WWOX: variants seen among roughly 807,000 people sequenced by gnomAD.
WWOX encodes WW domain containing oxidoreductase.
A neutral mutation model predicts 46.2 loss-of-function variants in WWOX; 69 were observed. The observed-to-expected ratio is 1.49, with a 90% CI of 1.23 to 1.82. The LOEUF (loss-of-function observed/expected upper bound fraction) is 1.82. Ranked by LOEUF, WWOX falls within the 40% of genes most tolerant of loss-of-function variation. The probability of loss-of-function intolerance (pLI) is 0.00; values close to 1 mark genes in which losing one functional copy is unlikely to be tolerated. For missense variants in WWOX, 919 were observed against 542.6 expected (o/e 1.69, Z -6.89); for synonymous variants, 359 against 202.6 (o/e 1.77, Z -6.56).
rs75412842 is a variant in WWOX, at chr16:78,411,337, A to T, written c.606-13533A>T. 2.9e-4 allele frequency among the ~76,000 whole-genome samples: 44 copies of T among 152,152 alleles called. No individual in the cohort carries two copies. In the East Asian group the frequency reaches 8.3e-3, roughly 29 times the overall value. On this transcript the variant is annotated intron_variant, in intron 6 of 8. Coordinates refer to ENST00000566780, the MANE Select transcript of WWOX (RefSeq NM_016373.4). ...TGCCATTGTGTGTTTATATATTGCT[A>T]ATGGATTTTAAAGAGGGCTAATCAA...
chr16:78,578,471 A>T (rs1432561749), intron 8 of WWOX, among the ~76,000 whole-genome samples: 4 of 150,536 alleles, frequency 2.7e-5, no homozygotes, highest in Non-Finnish European at 5.9e-5. Flanking sequence ...ATGTATTTTT[A>T]ATAGAGACAG....
chr16:78,817,710 T>C (rs979082421), intron 8 of WWOX, among the ~76,000 whole-genome samples: 3 of 152,128 alleles, frequency 2.0e-5, no homozygotes, highest in African/African-American at 7.2e-5. Flanking sequence ...TCGCTTGGCT[T>C]CCTCCTAAAA....
intron 8 of WWOX, among the ~76,000 whole-genome samples, chr16:78,862,803 G>A (rs1166570663): frequency 2.0e-5 from 3 of 152,018 alleles, no homozygotes; most frequent in Admixed American, 1.3e-4. Flanking sequence ...CACTGGGAAG[G>A]GCAGTCTGCT....
chr16:78,756,857 A>C, intron 8 of WWOX: 1 of 700,150 alleles, frequency 1.4e-6, no homozygotes, highest in Non-Finnish European at 2.6e-6. Flanking sequence ...AGGGTATTGC[A>C]GACATCAGAG....
At chr16:78,632,589 C>T (rs892311859) in intron 8 of WWOX, among the ~76,000 whole-genome samples, 50 of 49,542 alleles carry the variant, frequency 1.0e-3, no homozygotes, top group African/African-American at 4.0e-3. Flanking sequence ...GGTGGAGTCT[C>T]GTTCTGTCTC....
At chr16:79,000,776 A>G (rs2047077284) in intron 8 of WWOX, among the ~76,000 whole-genome samples, 1 of 152,190 alleles carries the variant, frequency 6.6e-6, no homozygotes, top group African/African-American at 2.4e-5. Flanking sequence ...AAGGCACCCT[A>G]TAATATACCC....
intron 8 of WWOX, among the ~76,000 whole-genome samples, chr16:78,905,525 G>T (rs1288699513): frequency 1.3e-5 from 2 of 152,064 alleles, no homozygotes; most frequent in African/African-American, 4.8e-5. Context: ...GAGACCATAG[G>T]CATGTTCCAC....
chr16:78,233,681 T>C (rs1229654935), intron 5 of WWOX, among the ~76,000 whole-genome samples: 1 of 151,978 alleles, frequency 6.6e-6, no homozygotes, highest in Non-Finnish European at 1.5e-5. Flanking sequence ...CGCCTGCCAC[T>C]ACACCTGGCT....
chr16:78,997,260 C>T (rs934324253), intron 8 of WWOX, among the ~76,000 whole-genome samples: 2 of 152,014 alleles, frequency 1.3e-5, no homozygotes, highest in Admixed American at 6.6e-5. Flanking sequence ...ATAAGCAGTC[C>T]CAGCAAGACA....
chr16:78,352,689 CATATTT>C (rs1366475876), intron 5 of WWOX, among the ~76,000 whole-genome samples: 1 of 152,216 alleles, frequency 6.6e-6, no homozygotes, highest in Non-Finnish European at 1.5e-5. Context: ...TGCTATGTAA[CATATTT>C]ATAGATATCA....
chr16:78,645,435 T>G (rs1360041859), intron 8 of WWOX, among the ~76,000 whole-genome samples: 1 of 152,190 alleles, frequency 6.6e-6, no homozygotes, highest in Non-Finnish European at 1.5e-5. Context: ...TATAAAGGAA[T>G]GCCTGAGCTG....
chr16:78,680,091 A>C (rs1044646815), intron 8 of WWOX, among the ~76,000 whole-genome samples: 1 of 152,196 alleles, frequency 6.6e-6, no homozygotes, highest in Non-Finnish European at 1.5e-5. Flanking sequence ...CAGCCCTCAC[A>C]GGCTTAGAGT....
intron 5 of WWOX, among the ~76,000 whole-genome samples, chr16:78,285,444 A>AGT (rs2079751111): frequency 6.9e-6 from 1 of 145,456 alleles, no homozygotes; most frequent in Non-Finnish European, 1.5e-5. Flanking sequence ...GAAAAATAAA[A>AGT]ACTAAAAAAA....
intron 8 of WWOX, among the ~76,000 whole-genome samples, chr16:79,190,090 T>C (rs776236503): frequency 1.3e-5 from 2 of 152,040 alleles, no homozygotes; most frequent in African/African-American, 2.4e-5. Flanking sequence ...GGCGGTGTGA[T>C]CTCGGCTCAC....
chr16:78,829,706 G>A (rs1035487912), intron 8 of WWOX, among the ~76,000 whole-genome samples: 1 of 152,124 alleles, frequency 6.6e-6, no homozygotes, highest in Non-Finnish European at 1.5e-5. Flanking sequence ...AACAGGTCTA[G>A]GAGTCATTAT....
intron 8 of WWOX, among the ~76,000 whole-genome samples, chr16:78,771,506 T>C (rs2050063952): frequency 6.6e-6 from 1 of 152,188 alleles, no homozygotes; most frequent in South Asian, 2.1e-4. Context: ...GTGCGGTGGC[T>C]CACGCCTGTA....
At chr16:78,900,600 A>G (rs566401243) in intron 8 of WWOX, among the ~76,000 whole-genome samples, 1 of 152,298 alleles carries the variant, frequency 6.6e-6, no homozygotes, top group African/African-American at 2.4e-5. Context: ...ACAAACCACA[A>G]AGTCATAATC....
At position 79,148,575 on chromosome 16, in the gene WWOX, A is replaced by G. The variant is rs574455123; in HGVS notation, c.1057-63033A>G. Among the ~76,000 whole-genome samples, 15 of 152,230 alleles carry G rather than the reference A, an allele frequency of 9.9e-5. No homozygotes were observed. The South Asian group carries it at 2.3e-3, about 23-fold the overall frequency. On this transcript the variant is annotated intron_variant, in intron 8 of 8. Transcript: ENST00000566780. ...TGTGCTTTTTCATATAAATTGTACA[A>G]TATGGTTGTCTATGTCTACCAGAAG... is the stretch of plus-strand genomic sequence containing the variant.
chr16:78,820,122 A>G (rs1023273585), intron 8 of WWOX, among the ~76,000 whole-genome samples: 5 of 152,138 alleles, frequency 3.3e-5, no homozygotes, highest in African/African-American at 9.7e-5. Flanking sequence ...CTGGCACTCT[A>G]GTAGGCTCTC....
Sources: gnomAD v4.1 joint callset for allele counts (sites outside exome capture counted in the v4.1 genomes callset) on GRCh38, gnomAD v4.1.1 for gene constraint, MANE v1.5 for transcripts, NCBI Gene and HGNC (gene_info 2026-07-23, HGNC 2026-07-21) for gene names.